Variants in TRHR observed in about 807,000 individuals in gnomAD.
The protein encoded by TRHR is thyrotropin releasing hormone receptor.
Under a neutral mutation model 28.0 loss-of-function variants are expected in TRHR, and 14 were observed. The ratio of observed to expected loss-of-function variants is 0.50; its 90% CI spans 0.33 to 0.78. The LOEUF (loss-of-function observed/expected upper bound fraction) is 0.78. Ranked by LOEUF, TRHR falls within the 30% of genes least tolerant of loss-of-function variation. TRHR has a pLI of 0.02. For synonymous variants in TRHR, 176 were observed against 171.9 expected (o/e 1.02, Z -0.18); for missense variants, 438 against 469.5 (o/e 0.93, Z 0.62).
intron 2 of TRHR, among the ~76,000 whole-genome samples, chr8:109,098,264 A>G (rs4735091): frequency 0.58 from 88,538 of 151,702 alleles, 27,906 homozygotes; most frequent in African/African-American, 0.83. Flanking sequence ...TGAATAGCTG[A>G]GACTACAGGC....
chr8:109,100,914 AC>A (rs1490920371), intron 2 of TRHR, among the ~76,000 whole-genome samples: 1 of 152,166 alleles, frequency 6.6e-6, no homozygotes, highest in Non-Finnish European at 1.5e-5. Flanking sequence ...TAGAAATAAC[AC>A]AATCAGTCCA....
intron 2 of TRHR, among the ~76,000 whole-genome samples, chr8:109,097,344 A>C (rs1168770306): frequency 6.6e-6 from 1 of 152,154 alleles, no homozygotes; most frequent in Admixed American, 6.5e-5. Context: ...ATATATATAT[A>C]TCTCCAAGCT....
intron 2 of TRHR, among the ~76,000 whole-genome samples, chr8:109,112,383 C>A (rs1811847691): frequency 6.6e-6 from 1 of 152,168 alleles, no homozygotes; most frequent in Non-Finnish European, 1.5e-5. Context: ...TAATCTCTGA[C>A]AAATAATCAA....
chr8:109,098,586 C>T (rs964967497), intron 2 of TRHR, among the ~76,000 whole-genome samples: 1 of 152,154 alleles, frequency 6.6e-6, no homozygotes, highest in Non-Finnish European at 1.5e-5. Context: ...AAGTCACTAT[C>T]TTGCCATACT....
chr8:109,117,059 CT>C (rs1289067498), intron 2 of TRHR, among the ~76,000 whole-genome samples: 1 of 151,976 alleles, frequency 6.6e-6, no homozygotes, highest in Non-Finnish European at 1.5e-5. Flanking sequence ...AACATTTTAC[CT>C]GACAGTTGTA....
intron 2 of TRHR, among the ~76,000 whole-genome samples, chr8:109,109,513 T>C (rs1834469164): frequency 1.3e-5 from 2 of 152,156 alleles, no homozygotes. Flanking sequence ...AAGTATTTCA[T>C]ATATTTTAAT....
intron 2 of TRHR, among the ~76,000 whole-genome samples, chr8:109,091,681 T>C (rs1007798186): frequency 6.6e-6 from 1 of 152,346 alleles, no homozygotes; most frequent in African/African-American, 2.4e-5. Flanking sequence ...ACTTTCATTC[T>C]CTATGCAGAA....
At chr8:109,117,504 T>C (rs1283634173) in intron 2 of TRHR, among the ~76,000 whole-genome samples, 3 of 151,800 alleles carry the variant, frequency 2.0e-5, no homozygotes, top group Admixed American at 1.3e-4. Context: ...TTAAACTAGG[T>C]ATTTCAATGT....
At position 109,109,128 on chromosome 8, in the gene TRHR, A is replaced by G. The variant is rs78992635; in HGVS notation, c.790-9920A>G. 6.7e-3 allele frequency among the ~76,000 whole-genome samples: 1,020 copies of G among 152,306 alleles called. 13 individuals are homozygous for G. The highest frequency in any genetic ancestry group is 0.023 in the African/African-American group (972 of 41,562). ...AATACCTTTGTTAGGTGCGATAGGC[A>G]TAAACTCTTGTGTAGAAATAAGAGT... is the stretch of plus-strand genomic sequence containing the variant. On this transcript the variant is annotated intron_variant, in intron 2 of 2. Coordinates refer to ENST00000518632, the MANE Select transcript of TRHR (RefSeq NM_003301.7).
intron 2 of TRHR, among the ~76,000 whole-genome samples, chr8:109,097,431 C>T (rs149696169): frequency 2.2e-4 from 34 of 152,220 alleles, no homozygotes; most frequent in African/African-American, 7.0e-4. Flanking sequence ...GTTATCTCTT[C>T]AATTCAATAA....
rs1468525208 is a variant in TRHR at position 109,119,205 on chromosome 8, AC to A, written c.950del (p.Pro317ArgfsTer2). ...TGCATTTATCTCAACAGTGCCATCA[AC>A]CCGGTGATTTACAATCTCATGTCCC... is the stretch of plus-strand genomic sequence containing the variant. ...RICIYLNSAI[N>X]PVIYNLMSQK... On this transcript the variant is annotated frameshift_variant, in exon 3 of 3. Transcript: ENST00000518632. LOFTEE classifies it high-confidence loss of function. The A allele has an allele frequency of 6.2e-7, 1 of 1,612,788 alleles. No individual in the cohort carries two copies. Among genetic ancestry groups the A allele is most frequent in the African/African-American group, 1.3e-5 (1 of 74,764 alleles).
chr8:109,107,652 G>A (rs1314805642), intron 2 of TRHR, among the ~76,000 whole-genome samples: 2 of 152,172 alleles, frequency 1.3e-5, no homozygotes, highest in Non-Finnish European at 2.9e-5. Context: ...AAGCAGATAA[G>A]TGCAAAGAAA....
chr8:109,096,315 C>T (rs761431925), intron 2 of TRHR, among the ~76,000 whole-genome samples: 12 of 152,222 alleles, frequency 7.9e-5, no homozygotes, highest in Non-Finnish European at 1.8e-4. Context: ...CAAGCCTTCA[C>T]TGAATTTCTC....
intron 2 of TRHR, among the ~76,000 whole-genome samples, chr8:109,108,971 A>G (rs1381160001): frequency 6.6e-6 from 1 of 152,204 alleles, no homozygotes; most frequent in Non-Finnish European, 1.5e-5. Flanking sequence ...AAAGTGTTAC[A>G]TCTAATCCTC....
intron 2 of TRHR, among the ~76,000 whole-genome samples, chr8:109,093,400 C>CATTTTTTTT (rs1811542774): frequency 3.9e-5 from 3 of 77,394 alleles, no homozygotes; most frequent in African/African-American, 1.6e-4. Context: ...GTGCTATTTA[C>CATTTTTTTT]TTTTTTTTTT....
At chr8:109,095,835 G>GC (rs1411656275) in intron 2 of TRHR, among the ~76,000 whole-genome samples, 1 of 145,310 alleles carries the variant, frequency 6.9e-6, no homozygotes, top group African/African-American at 2.6e-5. Flanking sequence ...TTATCCCCCC[G>GC]CCCCCCATAG....
chr8:109,096,121 T>C (rs1339317382), intron 2 of TRHR, among the ~76,000 whole-genome samples: 1 of 152,172 alleles, frequency 6.6e-6, no homozygotes, highest in Non-Finnish European at 1.5e-5. Context: ...TAAGAGCTTG[T>C]CCCTTTCCTA....
intron 2 of TRHR, among the ~76,000 whole-genome samples, chr8:109,094,231 CTTTCATTTTTTTTT>C (rs763005942): frequency 1.9e-5 from 2 of 102,984 alleles, no homozygotes; most frequent in Non-Finnish European, 4.0e-5. Context: ...ACAGGCTCAT[CTTTCATTTTTTTTT>C]TTTCATTTTT....
chr8:109,121,112 A>G lies in TRHR; in HGVS notation c.*1657A>G, dbSNP rs998930574. ...TTTTTTTTGAAAATTGGCCTTATCT[A>G]CTCCAGCAAGACATTTTTATCCTGT... On this transcript the variant is annotated 3_prime_UTR_variant, in exon 3 of 3. Transcript: ENST00000518632. Among the ~76,000 whole-genome samples the G allele has an allele frequency of 2.0e-5, 3 of 147,298 alleles. No individual in the cohort carries two copies. The highest frequency in any genetic ancestry group is 3.0e-5 in the Non-Finnish European group (2 of 67,132).
Sources: allele counts gnomAD v4.1 joint callset (sites outside exome capture counted in the v4.1 genomes callset), GRCh38; gene constraint gnomAD v4.1.1; transcripts MANE v1.5; gene names NCBI Gene and HGNC (gene_info 2026-07-23, HGNC 2026-07-21).